Variants in MMP16 observed in about 807,000 individuals in gnomAD.
The protein encoded by MMP16 is matrix metallopeptidase 16, also known as matrix metalloproteinase-16.
A neutral mutation model predicts 67.8 loss-of-function variants in MMP16; 12 were observed. That is an observed-to-expected ratio of 0.18 (90% CI 0.11 to 0.29). MMP16 has a LOEUF of 0.29. MMP16 is among the 10% of genes least tolerant of loss of function. The probability of loss-of-function intolerance (pLI) is 1.00; values close to 1 mark genes in which losing one functional copy is unlikely to be tolerated. For synonymous variants in MMP16, 249 were observed against 255.9 expected (o/e 0.97, Z 0.26); for missense variants, 475 against 765.7 (o/e 0.62, Z 4.48).
intron 1 of MMP16, among the ~76,000 whole-genome samples, chr8:88,260,316 G>C (rs1000792236): frequency 6.6e-6 from 1 of 151,404 alleles, no homozygotes; most frequent in Non-Finnish European, 1.5e-5. Context: ...TTTTTGTTTT[G>C]TTTTTTACAA....
At chr8:88,160,477 T>C (rs982116169) in intron 4 of MMP16, among the ~76,000 whole-genome samples, 5 of 152,116 alleles carry the variant, frequency 3.3e-5, no homozygotes, top group African/African-American at 1.2e-4. Flanking sequence ...GCAAAGGACA[T>C]GAACAGACAC....
At chr8:88,096,395 T>G (rs2118361713) in intron 6 of MMP16, among the ~76,000 whole-genome samples, 1 of 152,066 alleles carries the variant, frequency 6.6e-6, no homozygotes, top group South Asian at 2.1e-4. Flanking sequence ...TTGGATACAT[T>G]GGCTAATCAT....
In MMP16 at chr8:88,274,843, C is replaced by G. The variant is rs762483574; in HGVS notation, c.132+52232G>C. Among the ~76,000 whole-genome samples the G allele has an allele frequency of 3.8e-4, 58 of 152,084 alleles. 1 individual carries two copies. The highest frequency in any genetic ancestry group is 3.4e-3 in the Middle Eastern group (1 of 294). ...TAAATAATCAGAGCAACTGACATCA[C>G]TACCAAGAACATTCCTAAACAAACC... On this transcript the variant is annotated intron_variant, in intron 1 of 9. Coordinates refer to ENST00000286614, the MANE Select transcript of MMP16 (RefSeq NM_005941.5).
intron 4 of MMP16, among the ~76,000 whole-genome samples, chr8:88,166,688 CATATATATATATATATATATATATAT>C (rs1166566212): frequency 5.1e-4 from 30 of 58,388 alleles, no homozygotes; most frequent in Middle Eastern, 0.014. Flanking sequence ...CAAAAAATTA[CATATATATATATATATATATATATAT>C]ATATATATAT....
chr8:88,137,193 T>C (rs933362644), intron 4 of MMP16, among the ~76,000 whole-genome samples: 3 of 151,818 alleles, frequency 2.0e-5, no homozygotes, highest in African/African-American at 7.3e-5. Context: ...CTCGTTGAAG[T>C]CTTTTATCTA....
chr8:88,053,488 C>CT (rs1279022008), intron 8 of MMP16, among the ~76,000 whole-genome samples: 1 of 152,266 alleles, frequency 6.6e-6, no homozygotes, highest in African/African-American at 2.4e-5. Context: ...TACAGCGGCT[C>CT]TAGAGACTCA....
At chr8:88,163,081 A>G (rs1378449593) in intron 4 of MMP16, among the ~76,000 whole-genome samples, 1 of 152,066 alleles carries the variant, frequency 6.6e-6, no homozygotes, top group Non-Finnish European at 1.5e-5. Flanking sequence ...TTGGGAAGGC[A>G]AACCTTAGGC....
At chr8:88,153,487 A>T (rs1294120653) in intron 4 of MMP16, among the ~76,000 whole-genome samples, 4 of 152,234 alleles carry the variant, frequency 2.6e-5, no homozygotes, top group African/African-American at 9.6e-5. Context: ...TACAGGAACC[A>T]AAACAGCATG....
intron 4 of MMP16, among the ~76,000 whole-genome samples, chr8:88,158,921 G>C (rs1808563414): frequency 1.3e-5 from 2 of 152,230 alleles, no homozygotes; most frequent in South Asian, 4.1e-4. Context: ...ATTAAATAGG[G>C]AATCCTTTCC....
chr8:88,299,676 T>G (rs1811067841), intron 1 of MMP16, among the ~76,000 whole-genome samples: 2 of 152,180 alleles, frequency 1.3e-5, no homozygotes, highest in Admixed American at 1.3e-4. Context: ...AGGCTGTCTA[T>G]AATGTATACT....
intron 3 of MMP16, among the ~76,000 whole-genome samples, chr8:88,181,849 C>A (rs1808985836): frequency 6.6e-6 from 1 of 151,780 alleles, no homozygotes; most frequent in South Asian, 2.1e-4. Flanking sequence ...AAGGAAAGTG[C>A]CCAAAAATTG....
chr8:88,034,108 TG>T lies in MMP16; in HGVS notation c.*7352del, dbSNP rs1808021907. 1 of 152,014 alleles carries T rather than the reference TG, an allele frequency of 6.6e-6. No homozygotes were observed. Among genetic ancestry groups the T allele is most frequent in the Admixed American group, 6.6e-5 (1 of 15,208 alleles). 9.4% of individuals were successfully genotyped at this position (152,014 alleles called of 1,614,324 possible). A position where few individuals can be genotyped will look rare whatever the true frequency, so the allele number is the denominator to read the frequency against. ...AGGTTGGGATGTATGTCAACTTTGC[TG>T]GGACTGTCTTTGCATGGAAGTTTTG... On this transcript the variant is annotated 3_prime_UTR_variant, in exon 10 of 10. Transcript: ENST00000286614.
At chr8:88,047,440 A>G (rs981876891) in intron 8 of MMP16, among the ~76,000 whole-genome samples, 2 of 152,332 alleles carry the variant, frequency 1.3e-5, no homozygotes, top group East Asian at 1.9e-4. Flanking sequence ...AGCAAAGCAG[A>G]TAAGAGTTAT....
In MMP16 at chr8:88,153,732, T is replaced by C. The variant is rs372704626; in HGVS notation, c.709+13937A>G. On this transcript the variant is annotated intron_variant, in intron 4 of 9. Coordinates refer to ENST00000286614, the MANE Select transcript of MMP16 (RefSeq NM_005941.5). ...AAATCAATTCAAGATGGATTAAAGA[T>C]TTAAACGTTAGACCTAAAACCATAA... Among the ~76,000 whole-genome samples, 38 of 147,790 alleles carry C rather than the reference T, an allele frequency of 2.6e-4. No homozygotes were observed. The East Asian group carries it at 7.1e-3, about 28-fold the overall frequency.
intron 1 of MMP16, among the ~76,000 whole-genome samples, chr8:88,306,302 A>G (rs180799567): frequency 6.6e-6 from 1 of 152,310 alleles, no homozygotes; most frequent in East Asian, 1.9e-4. Flanking sequence ...ATAGCCTACC[A>G]ACAACAAAAA....
intron 1 of MMP16, among the ~76,000 whole-genome samples, chr8:88,211,113 G>A (rs1809505307): frequency 6.6e-6 from 1 of 152,040 alleles, no homozygotes; most frequent in Non-Finnish European, 1.5e-5. Flanking sequence ...GCCCAGAAGA[G>A]TGGGTGACAA....
intron 1 of MMP16, among the ~76,000 whole-genome samples, chr8:88,217,808 A>G (rs1178846763): frequency 6.6e-6 from 1 of 152,114 alleles, no homozygotes; most frequent in Admixed American, 6.6e-5. Context: ...TTTGAACATT[A>G]CATAATTTTG....
chr8:88,195,373 C>T (rs1250123684), intron 2 of MMP16, among the ~76,000 whole-genome samples: 1 of 152,150 alleles, frequency 6.6e-6, no homozygotes, highest in Non-Finnish European at 1.5e-5. Context: ...ACAATGTGAA[C>T]TAATTTGTTT....
chr8:88,112,893 C>T (rs1236065300), intron 6 of MMP16, among the ~76,000 whole-genome samples: 1 of 151,700 alleles, frequency 6.6e-6, no homozygotes, highest in Non-Finnish European at 1.5e-5. Context: ...ATGATATTAC[C>T]TTTTGCTTAC....
Sources: gnomAD v4.1 joint callset for allele counts (sites outside exome capture counted in the v4.1 genomes callset) on GRCh38, gnomAD v4.1.1 for gene constraint, MANE v1.5 for transcripts, NCBI Gene and HGNC (gene_info 2026-07-23, HGNC 2026-07-21) for gene names.